TSNARE1: variants seen among roughly 807,000 people sequenced by gnomAD.
TSNARE1 encodes the protein t-SNARE domain-containing protein 1.
Under a neutral mutation model 62.0 loss-of-function variants are expected in TSNARE1, and 49 were observed. The observed-to-expected ratio is 0.79, with a 90% CI of 0.63 to 1.00. TSNARE1 has a LOEUF of 1.00. TSNARE1 is among the 50% of genes least tolerant of loss of function. The probability of loss-of-function intolerance (pLI) is 0.00; values close to 1 mark genes in which losing one functional copy is unlikely to be tolerated. For missense variants in TSNARE1, 755 were observed against 700.1 expected (o/e 1.08, Z -0.88); for synonymous variants, 328 against 294.4 (o/e 1.11, Z -1.17).
intron 9 of TSNARE1, among the ~76,000 whole-genome samples, chr8:142,310,724 C>T (rs1827436097): frequency 6.6e-6 from 1 of 152,100 alleles, no homozygotes; most frequent in Non-Finnish European, 1.5e-5. Context: ...AATCATGTGA[C>T]TTTTTTCTCT....
rs570448641 is a variant in TSNARE1, at chr8:142,278,746, A to G, written c.1364-3883T>C. On this transcript the variant is annotated intron_variant, in intron 11 of 13. Transcript: ENST00000524325. Reference sequence around the variant, plus strand: ...GGCCCGTGGGCTCGGAAGGGGGCACAGCGTGCCTGACAGGCTGAGAGTCAC... The same window carrying G: ...GGCCCGTGGGCTCGGAAGGGGGCACGGCGTGCCTGACAGGCTGAGAGTCAC... 2.0e-4 allele frequency: 197 copies of G among 985,294 alleles called. 1 individual carries two copies. Among genetic ancestry groups the G allele is most frequent in the Non-Finnish European group, 2.2e-4 (181 of 829,932 alleles). The allele number at this position is 985,294 out of a possible 1,614,324, so 61.0% of individuals were successfully genotyped here. A position where few individuals can be genotyped will look rare whatever the true frequency, so the allele number is the denominator to read the frequency against.
intron 13 of TSNARE1, among the ~76,000 whole-genome samples, chr8:142,215,512 C>T (rs1815790734): frequency 6.6e-6 from 1 of 152,162 alleles, no homozygotes; most frequent in African/African-American, 2.4e-5. Flanking sequence ...CCCTTGTCCA[C>T]CACCACCCCT....
Position 142,274,827 on chromosome 8 carries a change from T to G in TSNARE1, c.1400A>C (p.His467Pro). Residue 467 changes from histidine to proline, a missense_variant, in exon 12 of 14, where the codon CAT becomes CCT. Coordinates refer to ENST00000524325, the MANE Select transcript of TSNARE1 (RefSeq NM_145003.5). ...CAGGAGCTGGCGGGCTGCCTCCGCATGCGAGGACGCAGCCTCAAGGCTGGC... is the reference window on the plus strand; with the variant it reads ...CAGGAGCTGGCGGGCTGCCTCCGCAGGCGAGGACGCAGCCTCAAGGCTGGC... ...IEASLEAASS[H>P]AEAARQLLAG... The G allele has an allele frequency of 6.3e-7, 1 of 1,581,098 alleles. No individual in the cohort carries two copies. The highest frequency in any genetic ancestry group is 8.6e-7 in the Non-Finnish European group (1 of 1,164,320).
chr8:142,218,671 G>A (rs1359293943), intron 13 of TSNARE1, among the ~76,000 whole-genome samples: 3 of 152,148 alleles, frequency 2.0e-5, no homozygotes, highest in African/African-American at 7.2e-5. Context: ...CACACTCAGG[G>A]TCCAAATGCC....
At chr8:142,268,527 C>A (rs1819258595) in intron 12 of TSNARE1, among the ~76,000 whole-genome samples, 1 of 152,360 alleles carries the variant, frequency 6.6e-6, no homozygotes, top group Admixed American at 6.5e-5. Context: ...TGTGCAATCC[C>A]AGCTCTGTCA....
At chr8:142,309,468 T>C (rs1232800116) in intron 9 of TSNARE1, among the ~76,000 whole-genome samples, 4 of 152,224 alleles carry the variant, frequency 2.6e-5, no homozygotes, top group African/African-American at 9.7e-5. Flanking sequence ...TTAGCCTCCT[T>C]GAGTGCTGAA....
At chr8:142,236,199 A>G (rs2130136433) in intron 12 of TSNARE1, among the ~76,000 whole-genome samples, 1 of 152,282 alleles carries the variant, frequency 6.6e-6, no homozygotes, top group South Asian at 2.1e-4. Flanking sequence ...AGCCTCCCTC[A>G]TGAAGACAAA....
chr8:142,329,248 T>C lies in TSNARE1; in HGVS notation c.893+1653A>G, dbSNP rs6981628. 3.5e-3 allele frequency among the ~76,000 whole-genome samples: 536 copies of C among 151,750 alleles called. 3 individuals are homozygous for C. Among genetic ancestry groups the C allele is most frequent in the African/African-American group, 0.012 (504 of 41,346 alleles). On this transcript the variant is annotated intron_variant, in intron 6 of 13. Transcript: ENST00000524325. ...AGGGTCAGAAAAGCACTAAGGCGAG[T>C]TTCCAGACCTAAGAGCTAAGGCCGG... is the stretch of plus-strand genomic sequence containing the variant.
chr8:142,300,581 T>C lies in TSNARE1; in HGVS notation c.1195A>G (p.Met399Val). The C allele has an allele frequency of 2.5e-6, 4 of 1,613,574 alleles. No homozygotes were observed. The highest frequency in any genetic ancestry group is 3.4e-6 in the Non-Finnish European group (4 of 1,179,994). Residue 399 changes from methionine (M) to valine (V), a missense_variant, in exon 10 of 14, where the codon ATG becomes GTG. Met to Val is a conservative substitution (Grantham distance 21). Coordinates refer to ENST00000524325, the MANE Select transcript of TSNARE1 (RefSeq NM_145003.5). ...DEKVFNGSDN[M>V]WQGQEQALLP... ...AGCGCCTGCTCCTGGCCCTGCCACA[T>C]GTTGTCACTCCCGTTAAAGACCTTC...
intron 4 of TSNARE1, among the ~76,000 whole-genome samples, chr8:142,334,298 A>G (rs1445699787): frequency 6.6e-6 from 1 of 152,198 alleles, no homozygotes; most frequent in African/African-American, 2.4e-5. Context: ...AGGCTGCCCA[A>G]TTCATGAATT....
chr8:142,271,982 G>A (rs1469863265), intron 12 of TSNARE1, among the ~76,000 whole-genome samples: 1 of 151,848 alleles, frequency 6.6e-6, no homozygotes. Flanking sequence ...TCCTCCCACC[G>A]ACTCCCCTGT....
intron 1 of TSNARE1, among the ~76,000 whole-genome samples, chr8:142,382,309 T>A (rs1836824902): frequency 6.6e-6 from 1 of 152,148 alleles, no homozygotes; most frequent in African/African-American, 2.4e-5. Flanking sequence ...GAATCAGCGG[T>A]GGAGAAGCAC....
rs1367352901 is a variant in TSNARE1 at position 142,311,157 on chromosome 8, G to C, written c.1131+3227C>G. Among the ~76,000 whole-genome samples, 2 of 149,996 alleles carry C rather than the reference G, an allele frequency of 1.3e-5. 1 individual carries two copies. Among genetic ancestry groups the C allele is most frequent in the African/African-American group, 4.9e-5 (2 of 40,812 alleles). On this transcript the variant is annotated intron_variant, in intron 9 of 13. Coordinates refer to ENST00000524325, the MANE Select transcript of TSNARE1 (RefSeq NM_145003.5). ...GAGCCACTGCACCCAGCCAAGGGTG[G>C]TTGTTTTTTTTTTTTTAATTATTTG...
At chr8:142,312,534 T>C (rs1827760497) in intron 9 of TSNARE1, among the ~76,000 whole-genome samples, 2 of 152,136 alleles carry the variant, frequency 1.3e-5, no homozygotes, top group Non-Finnish European at 2.9e-5. Flanking sequence ...AAGCAGAACT[T>C]GTGTTTACAA....
chr8:142,216,337 G>A (rs1302567226), intron 13 of TSNARE1, among the ~76,000 whole-genome samples: 1 of 152,126 alleles, frequency 6.6e-6, no homozygotes, highest in African/African-American at 2.4e-5. Flanking sequence ...CAGGGGCTGG[G>A]GGTGTGGGGC....
intron 11 of TSNARE1, among the ~76,000 whole-genome samples, chr8:142,282,140 T>G (rs1821597595): frequency 1.3e-5 from 2 of 152,132 alleles, no homozygotes; most frequent in Admixed American, 1.3e-4. Flanking sequence ...GTGCAGCCCC[T>G]CTTCTCGTGG....
At chr8:142,239,134 G>A (rs879936897) in intron 12 of TSNARE1, among the ~76,000 whole-genome samples, 27 of 152,216 alleles carry the variant, frequency 1.8e-4, no homozygotes, top group Admixed American at 1.6e-3. Flanking sequence ...AGGCCTACAG[G>A]AGAGAAAGTT....
intron 12 of TSNARE1, among the ~76,000 whole-genome samples, chr8:142,262,597 G>A (rs192050509): frequency 3.3e-4 from 50 of 152,220 alleles, no homozygotes; most frequent in African/African-American, 1.1e-3. Flanking sequence ...GTTTCTCACG[G>A]TTTAATGCCA....
intron 9 of TSNARE1, among the ~76,000 whole-genome samples, chr8:142,311,099 CT>C (rs1157869046): frequency 6.6e-6 from 1 of 151,812 alleles, no homozygotes; most frequent in Non-Finnish European, 1.5e-5. Context: ...ATCCACCTGC[CT>C]CGGCCTCCCA....
Sources: gnomAD v4.1 joint callset for allele counts (sites outside exome capture counted in the v4.1 genomes callset) on GRCh38, gnomAD v4.1.1 for gene constraint, MANE v1.5 for transcripts, NCBI Gene and HGNC (gene_info 2026-07-23, HGNC 2026-07-21) for gene names.